Variants in CFAP95 observed in about 807,000 individuals in gnomAD.
CFAP95 encodes the protein cilia and flagella associated protein 95, also known as cilia- and flagella-associated protein 95.
the CFAP95 span, among the ~76,000 whole-genome samples, chr9:69,901,888 G>A: frequency 6.6e-6 from 1 of 152,048 alleles, no homozygotes; most frequent in Admixed American, 6.5e-5. Context: ...ATTCTAACTG[G>A]TGTGAGATGG....
the CFAP95 span, among the ~76,000 whole-genome samples, chr9:69,843,843 G>A: frequency 8.6e-5 from 13 of 151,412 alleles, no homozygotes; most frequent in African/African-American, 2.7e-4. Flanking sequence ...GTCTTGCCAT[G>A]TTTCCCAGGC....
the CFAP95 span, among the ~76,000 whole-genome samples, chr9:69,862,155 T>C: frequency 6.6e-6 from 1 of 152,348 alleles, no homozygotes; most frequent in East Asian, 1.9e-4. Flanking sequence ...AGATTAATTA[T>C]TTCTGATGTT....
the CFAP95 span, among the ~76,000 whole-genome samples, chr9:69,853,122 G>A: frequency 6.6e-6 from 1 of 152,208 alleles, no homozygotes; most frequent in African/African-American, 2.4e-5. Flanking sequence ...ACCCAGGAAA[G>A]AATTGTCAAT....
At chr9:69,830,598 G>GA in the CFAP95 span, among the ~76,000 whole-genome samples, 1 of 152,200 alleles carries the variant, frequency 6.6e-6, no homozygotes, top group Non-Finnish European at 1.5e-5. Context: ...GAGATTAGAT[G>GA]AAACATATCT....
At chr9:69,875,350 T>C in the CFAP95 span, among the ~76,000 whole-genome samples, 494 of 152,334 alleles carry the variant, frequency 3.2e-3, 5 homozygotes, top group African/African-American at 0.011. Context: ...ACTGAATGTT[T>C]TAATCTTTCA....
the CFAP95 span, chr9:69,902,452 A>G: frequency 2.8e-6 from 1 of 352,120 alleles, no homozygotes; most frequent in Non-Finnish European, 5.5e-6. Context: ...AGAAGCTGGT[A>G]TGACTTTTCT....
At chr9:69,881,134 T>C in the CFAP95 span, among the ~76,000 whole-genome samples, 1 of 152,142 alleles carries the variant, frequency 6.6e-6, no homozygotes, top group Non-Finnish European at 1.5e-5. Flanking sequence ...CTTTGTTGAT[T>C]GTATCCTTTG....
At chr9:69,881,098 C>A in the CFAP95 span, among the ~76,000 whole-genome samples, 4 of 151,400 alleles carry the variant, frequency 2.6e-5, no homozygotes, top group East Asian at 7.8e-4. Context: ...TAAATATTTT[C>A]TCCAATTCTG....
the CFAP95 span, chr9:69,886,979 A>G: frequency 2.9e-6 from 3 of 1,034,682 alleles, no homozygotes; most frequent in Admixed American, 4.1e-5. Flanking sequence ...TTGGGAAGAA[A>G]GGAGAAATTG....
chr9:69,842,955 T>C, the CFAP95 span, among the ~76,000 whole-genome samples: 1 of 152,142 alleles, frequency 6.6e-6, no homozygotes. Flanking sequence ...GGGAATGTAG[T>C]GCAGGGGCTG....
the CFAP95 span, among the ~76,000 whole-genome samples, chr9:69,892,095 A>G: frequency 5.3e-5 from 8 of 152,348 alleles, no homozygotes; most frequent in South Asian, 1.7e-3. Flanking sequence ...TATGCATAAC[A>G]TAAAATATAC....
the CFAP95 span, among the ~76,000 whole-genome samples, chr9:69,894,729 T>C: frequency 6.6e-6 from 1 of 152,200 alleles, no homozygotes; most frequent in Non-Finnish European, 1.5e-5. Context: ...TCAAAACTTA[T>C]ATACTCCAAC....
chr9:69,838,636 A>C, the CFAP95 span, among the ~76,000 whole-genome samples: 2 of 152,120 alleles, frequency 1.3e-5, no homozygotes, highest in Non-Finnish European at 2.9e-5. Flanking sequence ...TTTTGGGCTG[A>C]GACAATGGGG....
chr9:69,846,433 G>T, the CFAP95 span, among the ~76,000 whole-genome samples: 3 of 152,158 alleles, frequency 2.0e-5, no homozygotes, highest in Admixed American at 1.3e-4. Flanking sequence ...CAATAGAAAA[G>T]AAAATAGACT....
At chr9:69,901,887 G>T in the CFAP95 span, among the ~76,000 whole-genome samples, 1 of 152,114 alleles carries the variant, frequency 6.6e-6, no homozygotes, top group African/African-American at 2.4e-5. Flanking sequence ...CATTCTAACT[G>T]GTGTGAGATG....
chr9:69,902,219 C>T, the CFAP95 span: 1 of 413,034 alleles, frequency 2.4e-6, no homozygotes, highest in East Asian at 7.6e-5. Context: ...TTTCCCTTCC[C>T]CTTTGTTTTT....
chr9:69,904,073 A>G, the CFAP95 span, among the ~76,000 whole-genome samples: 1 of 152,110 alleles, frequency 6.6e-6, no homozygotes. Context: ...CACATACTAT[A>G]ACACTCACCC....
the CFAP95 span, among the ~76,000 whole-genome samples, chr9:69,890,228 T>C: frequency 1.1e-3 from 162 of 152,274 alleles, no homozygotes; most frequent in African/African-American, 3.6e-3. Flanking sequence ...GATGTATTTT[T>C]AGGGCACATA....
the CFAP95 span, among the ~76,000 whole-genome samples, chr9:69,842,133 C>G: frequency 3.3e-5 from 5 of 152,268 alleles, no homozygotes; most frequent in South Asian, 1.0e-3. Flanking sequence ...AGGGATGGTG[C>G]TGGGTTTCCA....
Sources: allele counts gnomAD v4.1 joint callset (sites outside exome capture counted in the v4.1 genomes callset), GRCh38; gene constraint gnomAD v4.1.1; transcripts MANE v1.5; gene names NCBI Gene and HGNC (gene_info 2026-07-23, HGNC 2026-07-21).